The following POLB variants were observed in gnomAD, a reference collection of about 807,000 sequenced individuals.
POLB encodes the protein 5'-dRP lyase.
A neutral mutation model predicts 52.7 loss-of-function variants in POLB; 37 were observed. That is an observed-to-expected ratio of 0.70 (90% confidence interval 0.54 to 0.92). The LOEUF (loss-of-function observed/expected upper bound fraction) is 0.92, where lower values mean the gene tolerates loss of function less well. POLB is among the 40% of genes least tolerant of loss of function. The probability of loss-of-function intolerance (pLI) is 0.00; values close to 1 mark genes in which losing one functional copy is unlikely to be tolerated. For synonymous variants in POLB, 138 were observed against 131.3 expected (o/e 1.05, Z -0.35); for missense variants, 313 against 400.8 (o/e 0.78, Z 1.87).
intron 1 of POLB, 64 bp downstream of exon 1, chr8:42,338,749 T>G: frequency 6.7e-7 from 1 of 1,490,024 alleles, no homozygotes; most frequent in Non-Finnish European, 9.4e-7. Context: ...CCTGCCTTCC[T>G]TCTCTCCCAC....
At chr8:42,338,762 C>G in intron 1 of POLB, 77 bp downstream of exon 1, 2 of 1,399,214 alleles carry the variant, frequency 1.4e-6, no homozygotes, top group Non-Finnish European at 2.0e-6. Context: ...TCTCCCACAC[C>G]GACAGTCCAG....
At chr8:42,341,526 G>A (rs1359752205) in intron 2 of POLB, among the ~76,000 whole-genome samples, 1 of 152,176 alleles carries the variant, frequency 6.6e-6, no homozygotes, top group South Asian at 2.1e-4. Context: ...TAGCTGTACT[G>A]TCACTTCTCA....
chr8:42,354,591 A>G (rs915541256), intron 6 of POLB: 12 of 572,694 alleles, frequency 2.1e-5, no homozygotes, highest in Middle Eastern at 4.0e-4. Context: ...CTGTCTGCCC[A>G]GAAGTACAGT....
At chr8:42,352,223 G>A (rs766365673) in intron 5 of POLB, among the ~76,000 whole-genome samples, 32 of 152,050 alleles carry the variant, frequency 2.1e-4, no homozygotes, top group Admixed American at 3.3e-4. Flanking sequence ...ACACATAATG[G>A]CCCTCAGTAA....
chr8:42,344,099 CCAGACTGGGCGA>C (rs1162882715), intron 2 of POLB, among the ~76,000 whole-genome samples: 1 of 147,604 alleles, frequency 6.8e-6, no homozygotes, highest in Non-Finnish European at 1.5e-5. Flanking sequence ...CCACTGCACT[CCAGACTGGGCGA>C]CAGACTGGGC....
intron 2 of POLB, among the ~76,000 whole-genome samples, chr8:42,341,290 G>A (rs903168755): frequency 1.3e-5 from 2 of 152,070 alleles, no homozygotes; most frequent in African/African-American, 4.8e-5. Context: ...TCCCTTTTAG[G>A]CTTTGCCTCA....
At chr8:42,357,728 C>CTTTTTTT (rs373576053) in intron 9 of POLB, 1 of 145,118 alleles carries the variant, frequency 6.9e-6, no homozygotes. Context: ...TTTCTTTTTC[C>CTTTTTTT]TTTTTTTTTT....
At chr8:42,358,239 A>G (rs1310199508) in intron 9 of POLB, among the ~76,000 whole-genome samples, 2 of 151,996 alleles carry the variant, frequency 1.3e-5, no homozygotes, top group African/African-American at 2.4e-5. Context: ...GCGGTGGCTC[A>G]CGCCTATAAT....
At chr8:42,354,086 G>A (rs1186107149) in intron 6 of POLB, among the ~76,000 whole-genome samples, 1 of 152,160 alleles carries the variant, frequency 6.6e-6, no homozygotes, top group Non-Finnish European at 1.5e-5. Context: ...TGGGTTTCTT[G>A]GAGGTATTGA....
chr8:42,351,455 A>G (rs994835710), intron 5 of POLB, among the ~76,000 whole-genome samples: 1 of 152,204 alleles, frequency 6.6e-6, no homozygotes, highest in Non-Finnish European at 1.5e-5. Flanking sequence ...GTGTGTATGC[A>G]TTTCTTTCTG....
At chr8:42,352,441 C>T (rs1171048589) in intron 5 of POLB, 78 bp from the exon 6 acceptor site, 2 of 908,010 alleles carry the variant, frequency 2.2e-6, no homozygotes, top group African/African-American at 3.3e-5. Flanking sequence ...AATAGCAGCT[C>T]TTCTTACTAT....
At chr8:42,370,259 G>GTTTTTTTTTTTTTTTTTTTTTTT (rs34271342) in intron 13 of POLB, 4 of 259,998 alleles carry the variant, frequency 1.5e-5, no homozygotes, top group Admixed American at 6.1e-5. Flanking sequence ...ATCTAAAAGG[G>GTTTTTTTTTTTTTTTTTTTTTTT]TTTTTTTTTT....
intron 5 of POLB, 81 bp from the exon 6 acceptor site, chr8:42,352,438 G>A (rs2130807142): frequency 1.1e-6 from 1 of 879,110 alleles, no homozygotes; most frequent in South Asian, 1.3e-5. Context: ...CTTAATAGCA[G>A]CTCTTCTTAC....
intron 5 of POLB, 55 bp from the exon 6 acceptor site, chr8:42,352,464 G>A: frequency 9.0e-7 from 1 of 1,106,650 alleles, no homozygotes; most frequent in Non-Finnish European, 1.4e-6. Context: ...AGACATGGTT[G>A]TTACAAGGAT....
At chr8:42,356,070 T>C (rs1823297891) in intron 7 of POLB, among the ~76,000 whole-genome samples, 1 of 152,342 alleles carries the variant, frequency 6.6e-6, no homozygotes, top group Admixed American at 6.5e-5. Flanking sequence ...TCAATAATTA[T>C]TTTGTGTGCC....
Position 42,361,342 on chromosome 8 carries a change from T to C in POLB, c.598T>C (p.Phe200Leu), listed in dbSNP as rs745652653. Residue 200 changes from phenylalanine (F) to leucine (L), a missense_variant, in exon 10 of 14, where the codon TTC becomes CTC. Transcript: ENST00000265421. ...DMDVLLTHPSFTSESTKQPKL... is the reference protein window; with the variant it reads ...DMDVLLTHPSLTSESTKQPKL... ...GGATGTTCTCCTGACCCATCCCAGCTTCACTTCAGAATCAACCAAACAGGT... is the reference window on the plus strand; with the variant it reads ...GGATGTTCTCCTGACCCATCCCAGCCTCACTTCAGAATCAACCAAACAGGT... 13 of 1,612,232 alleles carry C rather than the reference T, an allele frequency of 8.1e-6. No individual in the cohort carries two copies. Among genetic ancestry groups the C allele is most frequent in the Non-Finnish European group, 1.1e-5 (13 of 1,178,190 alleles).
At chr8:42,364,282 C>G (rs28495366) in intron 11 of POLB, among the ~76,000 whole-genome samples, 1 of 151,958 alleles carries the variant, frequency 6.6e-6, no homozygotes, top group African/African-American at 2.4e-5. Context: ...CTCTGTCACC[C>G]AGGCTGTAGT....
At chr8:42,341,876 A>G in intron 2 of POLB, 1 of 605,184 alleles carries the variant, frequency 1.7e-6, no homozygotes, top group Non-Finnish European at 3.1e-6. Context: ...CCTCTTTTTA[A>G]CTTCTTTCTT....
intron 13 of POLB, 59 bp from the exon 14 acceptor site, chr8:42,371,504 C>A (rs1048871567): frequency 3.2e-6 from 3 of 940,998 alleles, no homozygotes; most frequent in South Asian, 1.5e-5. Context: ...ATCTTGAACC[C>A]TCTATAACTA....
Sources: allele counts gnomAD v4.1 joint callset (sites outside exome capture counted in the v4.1 genomes callset), GRCh38; gene constraint gnomAD v4.1.1; transcripts MANE v1.5; gene names NCBI Gene and HGNC (gene_info 2026-07-23, HGNC 2026-07-21).